The following USP33 variants were observed in gnomAD, a reference collection of about 807,000 sequenced individuals.
USP33 encodes ubiquitin specific peptidase 33, also known as ubiquitin carboxyl-terminal hydrolase 33.
USP33 carries 46 observed loss-of-function variants against 124.2 expected under a neutral mutation model. That is an observed-to-expected ratio of 0.37 (90% CI 0.29 to 0.47). USP33 has a LOEUF of 0.47. Among genes scored for constraint, USP33 ranks in the 20% least tolerant of loss-of-function variants. USP33 has a pLI of 0.99. For synonymous variants in USP33, 350 were observed against 352.3 expected (o/e 0.99, Z 0.07); for missense variants, 851 against 1,070.6 (o/e 0.79, Z 2.86).
rs2101139649 is a variant in USP33, at chr1:77,697,459, T to C, written c.2594A>G (p.Gln865Arg). 1.1e-5 allele frequency: 18 copies of C among 1,602,060 alleles called. No individual in the cohort carries two copies. Among genetic ancestry groups the C allele is most frequent in the East Asian group, 2.2e-5 (1 of 44,770 alleles). The change falls in exon 24 of 24, where the codon CAG becomes CGG. Residue 865 changes from glutamine to arginine, a missense_variant. Transcript: ENST00000370794. ...VMLRQGADSG[Q>R]ISEETWNFLQ... ...AAAATTCCATGTTTCTTCAGAAATC[T>C]GGCCAGAATCTGCTCCTTAAAATTA...
intron 1 of USP33, among the ~76,000 whole-genome samples, chr1:77,743,915 G>A (rs1005068903): frequency 6.6e-6 from 1 of 152,122 alleles, no homozygotes; most frequent in African/African-American, 2.4e-5. Flanking sequence ...CGGATCACGA[G>A]GTCAGGAGAT....
At chr1:77,705,155 A>C (rs115920620) in intron 21 of USP33, among the ~76,000 whole-genome samples, 9,181 of 150,536 alleles carry the variant, frequency 0.061, 597 homozygotes, top group African/African-American at 0.16. Flanking sequence ...AACAAAAAAA[A>C]CCCTAATATT....
At chr1:77,753,829 G>A (rs886795794) in intron 1 of USP33, among the ~76,000 whole-genome samples, 14 of 149,422 alleles carry the variant, frequency 9.4e-5, no homozygotes, top group East Asian at 7.8e-4. Flanking sequence ...CACATAATAC[G>A]TTAATATATA....
rs1392341212 is a variant in USP33, at chr1:77,730,483, G to A, written c.638+135C>T. Reference sequence around the variant, plus strand: ...TTACATTCAGCTTCAAATGTAACATGCCTGAAACAAAGCTGTCTCTAATCT... The same window carrying A: ...TTACATTCAGCTTCAAATGTAACATACCTGAAACAAAGCTGTCTCTAATCT... On this transcript the variant is annotated intron_variant, in intron 8 of 23. Coordinates refer to ENST00000370794, the MANE Select transcript of USP33 (RefSeq NM_201624.3). 3.3e-5 allele frequency: 18 copies of A among 546,630 alleles called. No homozygotes were observed. Among genetic ancestry groups the A allele is most frequent in the Non-Finnish European group, 4.4e-5 (15 of 339,340 alleles). 33.9% of individuals were successfully genotyped at this position (546,630 alleles called of 1,614,324 possible).
intron 1 of USP33, among the ~76,000 whole-genome samples, chr1:77,757,346 C>G (rs1473735335): frequency 2.0e-5 from 3 of 152,164 alleles, no homozygotes; most frequent in Admixed American, 2.0e-4. Flanking sequence ...AAATATTGAC[C>G]TAACTTAACC....
intron 22 of USP33, among the ~76,000 whole-genome samples, chr1:77,700,032 C>T (rs1673829273): frequency 6.6e-6 from 1 of 151,496 alleles, no homozygotes; most frequent in African/African-American, 2.4e-5. Flanking sequence ...CACACTAGGG[C>T]CTGTTGGTGG....
chr1:77,741,220 T>C (rs571163258), intron 3 of USP33, among the ~76,000 whole-genome samples, 156 bp downstream of exon 3: 9 of 152,292 alleles, frequency 5.9e-5, no homozygotes, highest in Admixed American at 2.6e-4. Flanking sequence ...ATTAAGATCT[T>C]TCCAAAGTTT....
At chr1:77,723,569 T>C (rs1676818312) in intron 11 of USP33, 126 bp from the exon 12 acceptor site, 14 of 639,738 alleles carry the variant, frequency 2.2e-5, no homozygotes, top group Middle Eastern at 8.4e-4. Flanking sequence ...TAAAAATTAC[T>C]GTGTTGAAAA....
At chr1:77,716,363 G>A (rs1356054982) in intron 17 of USP33, among the ~76,000 whole-genome samples, 1 of 152,122 alleles carries the variant, frequency 6.6e-6, no homozygotes. Context: ...ACCTGCGGGG[G>A]TCTGTCCCAC....
intron 7 of USP33, among the ~76,000 whole-genome samples, chr1:77,733,981 G>A (rs976424799): frequency 6.6e-6 from 1 of 151,356 alleles, no homozygotes; most frequent in Non-Finnish European, 1.5e-5. Context: ...GTAAGACTAC[G>A]ATTAAAAAAA....
intron 16 of USP33, among the ~76,000 whole-genome samples, 196 bp downstream of exon 16, chr1:77,718,400 G>A (rs1168354046): frequency 6.6e-6 from 1 of 152,150 alleles, no homozygotes; most frequent in South Asian, 2.1e-4. Flanking sequence ...ATTAAACTTT[G>A]TTCAACACAG....
At chr1:77,744,448 A>G (rs1340340099) in intron 1 of USP33, among the ~76,000 whole-genome samples, 1 of 152,222 alleles carries the variant, frequency 6.6e-6, no homozygotes, top group Non-Finnish European at 1.5e-5. Context: ...CTAGAGCCCT[A>G]CAGATCCACA....
rs558116380 is a variant in USP33, at chr1:77,718,743, A to C, written c.1692-102T>G. On this transcript the variant is annotated intron_variant, in intron 15 of 23. Transcript: ENST00000370794. ...GAAAATGCAGAGATCCAGCCTGGCAAACATGGTGAAATCCCGTCTCTACTA... is the reference window on the plus strand; with the variant it reads ...GAAAATGCAGAGATCCAGCCTGGCACACATGGTGAAATCCCGTCTCTACTA... The C allele has an allele frequency of 5.1e-5, 46 of 907,250 alleles. No homozygotes were observed. The African/African-American group carries it at 7.7e-4, about 15-fold the overall frequency. The allele number at this position is 907,250 out of a possible 1,614,324, so 56.2% of individuals were successfully genotyped here.
In USP33 at chr1:77,728,350, T is replaced by C; in HGVS notation, c.1080A>G (p.Thr360=). Residue 360 remains threonine, a synonymous_variant, in exon 10 of 24, where the codon ACA becomes ACG. Transcript: ENST00000370794. ...FDKDRDSISE[T]VDLNNQETVK... ...CAGTTTCCTGGTTGTTTAAGTCGAC[T>C]GTTTCAGATATAGAGTCTCTATCTT... 6.2e-7 allele frequency: 1 copy of C among 1,609,330 alleles called. No individual in the cohort carries two copies. Among genetic ancestry groups the C allele is most frequent in the Non-Finnish European group, 8.5e-7 (1 of 1,178,704 alleles).
intron 5 of USP33, 121 bp from the exon 6 acceptor site, chr1:77,736,279 C>A (rs1678441377): frequency 1.8e-6 from 1 of 561,638 alleles, no homozygotes; most frequent in South Asian, 4.1e-5. Flanking sequence ...AATAGTGGAA[C>A]CATAAGAATT....
In USP33 at chr1:77,697,485, C is replaced by T. The variant is rs764574654; in HGVS notation, c.2579-11G>A. 3.7e-5 allele frequency: 58 copies of T among 1,587,098 alleles called. No individual in the cohort carries two copies. The highest frequency in any genetic ancestry group is 2.7e-4 in the East Asian group (12 of 44,648). On this transcript the variant is annotated splice_polypyrimidine_tract_variant and intron_variant, in intron 23 of 23. Transcript: ENST00000370794. ...GGCCAGAATCTGCTCCTTAAAATTA[C>T]GTAGAAGAAATAATGTTTACAAACC...
At chr1:77,709,882 T>TAC (rs35770178) in intron 21 of USP33, among the ~76,000 whole-genome samples, 13,385 of 144,672 alleles carry the variant, frequency 0.093, 941 homozygotes, top group African/African-American at 0.21. Flanking sequence ...TGCATACACA[T>TAC]ACACACACAC....
chr1:77,717,507 T>C (rs903373346), intron 17 of USP33: 1 of 145,048 alleles, frequency 6.9e-6, no homozygotes, highest in African/African-American at 2.6e-5. Context: ...AAAAAAAAAA[T>C]CATGTTAATG....
At chr1:77,734,866 G>A (rs1427724628) in intron 6 of USP33, among the ~76,000 whole-genome samples, 1 of 152,212 alleles carries the variant, frequency 6.6e-6, no homozygotes, top group Non-Finnish European at 1.5e-5. Flanking sequence ...GCTCACGCCT[G>A]TAATCCCAGC....
Sources: allele counts gnomAD v4.1 joint callset (sites outside exome capture counted in the v4.1 genomes callset), GRCh38; gene constraint gnomAD v4.1.1; transcripts MANE v1.5; gene names NCBI Gene and HGNC (gene_info 2026-07-23, HGNC 2026-07-21).